MICAL3: variants seen among roughly 807,000 people sequenced by gnomAD.
The protein encoded by MICAL3 is microtubule associated monooxygenase, calponin and LIM domain containing 3, also known as [F-actin]-monooxygenase MICAL3.
A neutral mutation model predicts 207.4 loss-of-function variants in MICAL3; 62 were observed. The ratio of observed to expected loss-of-function variants is 0.30; its 90% CI spans 0.24 to 0.37. MICAL3 has a LOEUF of 0.37. Ranked by LOEUF, MICAL3 falls within the 10% of genes least tolerant of loss-of-function variation. The pLI, the probability that MICAL3 is intolerant of heterozygous loss-of-function variation, is 1.00. For missense variants in MICAL3, 2,368 were observed against 2,635.6 expected (o/e 0.90, Z 2.22); for synonymous variants, 1,077 against 1,069.3 (o/e 1.01, Z -0.14).
At chr22:17,947,191 G>A (rs117968984) in intron 1 of MICAL3, among the ~76,000 whole-genome samples, 2,317 of 152,294 alleles carry the variant, frequency 0.015, 33 homozygotes, top group Non-Finnish European at 0.02. Context: ...GCCTACAGCC[G>A]CTGCACGCGT....
chr22:17,800,421 C>G (rs2145966170), intron 29 of MICAL3, among the ~76,000 whole-genome samples: 1 of 152,174 alleles, frequency 6.6e-6, no homozygotes, highest in East Asian at 1.9e-4. Context: ...CCTGGGGACC[C>G]TTCCTCTCTG....
At chr22:17,838,956 T>C (rs1036378079) in intron 20 of MICAL3, among the ~76,000 whole-genome samples, 203 of 99,668 alleles carry the variant, frequency 2.0e-3, no homozygotes, top group African/African-American at 0.011. Flanking sequence ...CCCTAGATGC[T>C]TTTTTTTTTT....
rs59413477 is a variant in MICAL3 at position 17,981,198 on chromosome 22, C to T, written c.-75+43083G>A. Among the ~76,000 whole-genome samples, 997 of 152,018 alleles carry T rather than the reference C, an allele frequency of 6.6e-3. 13 individuals carry two copies. Among genetic ancestry groups the T allele is most frequent in the African/African-American group, 0.023 (937 of 41,468 alleles). The stretch of plus-strand genomic sequence containing the variant: ...ATATCATAAAATACACAATTATACA[C>T]TTAATAAAGCACATAGGAATAAAAT... On this transcript the variant is annotated intron_variant, in intron 1 of 31. Transcript: ENST00000441493.
At chr22:17,872,644 A>G (rs1189034740) in intron 16 of MICAL3, 2 of 742,816 alleles carry the variant, frequency 2.7e-6, no homozygotes, top group Non-Finnish European at 4.8e-6. Context: ...CAATTACCGC[A>G]TAGCATACAC....
intron 1 of MICAL3, among the ~76,000 whole-genome samples, chr22:17,944,234 G>A (rs116006417): frequency 0.013 from 1,912 of 152,264 alleles, 34 homozygotes; most frequent in African/African-American, 0.043. Flanking sequence ...TTACTTGTGC[G>A]TCATAGCTAG....
chr22:17,905,980 G>A (rs1360836325), intron 2 of MICAL3, among the ~76,000 whole-genome samples: 1 of 152,136 alleles, frequency 6.6e-6, no homozygotes, highest in Non-Finnish European at 1.5e-5. Context: ...TGCCAAGTTC[G>A]CAAACAGTAT....
chr22:18,022,106 T>C (rs1924516540), intron 1 of MICAL3, among the ~76,000 whole-genome samples: 1 of 152,158 alleles, frequency 6.6e-6, no homozygotes, highest in Non-Finnish European at 1.5e-5. Flanking sequence ...CCCTTAGTCA[T>C]TGTGAACTCG....
chr22:17,863,249 C>G, intron 19 of MICAL3: 1 of 985,396 alleles, frequency 1.0e-6, no homozygotes, highest in Non-Finnish European at 1.2e-6. Flanking sequence ...AAAAAATGTT[C>G]TGTACTCCAA....
intron 29 of MICAL3, among the ~76,000 whole-genome samples, chr22:17,807,853 C>G (rs1454899896): frequency 2.6e-5 from 4 of 152,226 alleles, no homozygotes; most frequent in African/African-American, 9.6e-5. Flanking sequence ...GCAGAGGCAC[C>G]CTGCTCCCCT....
intron 29 of MICAL3, among the ~76,000 whole-genome samples, chr22:17,795,315 T>C (rs1418438482): frequency 1.3e-5 from 2 of 152,252 alleles, no homozygotes; most frequent in Non-Finnish European, 2.9e-5. Flanking sequence ...TTGGAACACC[T>C]GGATGAATCC....
chr22:17,953,577 C>T (rs1391358537), intron 1 of MICAL3, among the ~76,000 whole-genome samples: 7 of 151,958 alleles, frequency 4.6e-5, no homozygotes, highest in South Asian at 2.1e-4. Flanking sequence ...GACATCAGGG[C>T]GGGGGACATC....
chr22:17,803,842 A>G, intron 29 of MICAL3: 1 of 985,844 alleles, frequency 1.0e-6, no homozygotes, highest in Non-Finnish European at 1.2e-6. Flanking sequence ...GGTCACTGTA[A>G]TAAGACTCTC....
chr22:17,941,733 T>C (rs891774105), intron 1 of MICAL3, among the ~76,000 whole-genome samples: 3 of 152,222 alleles, frequency 2.0e-5, no homozygotes, highest in African/African-American at 7.2e-5. Context: ...TCACAGGGTA[T>C]ACATAAAGCT....
intron 1 of MICAL3, among the ~76,000 whole-genome samples, chr22:17,991,287 T>C (rs1341669580): frequency 1.3e-5 from 2 of 152,132 alleles, no homozygotes; most frequent in African/African-American, 4.8e-5. Flanking sequence ...GGCAGGCAGG[T>C]GAAAGTGACA....
chr22:17,790,679 G>A lies in MICAL3; in HGVS notation c.*53C>T. 6.6e-7 allele frequency: 1 copy of A among 1,505,762 alleles called. No homozygotes were observed. The highest frequency in any genetic ancestry group is 9.0e-7 in the Non-Finnish European group (1 of 1,114,442). 93.3% of individuals were successfully genotyped at this position (1,505,762 alleles called of 1,614,324 possible). A position where few individuals can be genotyped will look rare whatever the true frequency, so the allele number is the denominator to read the frequency against. On this transcript the variant is annotated 3_prime_UTR_variant, in exon 32 of 32. Coordinates refer to ENST00000441493, the MANE Select transcript of MICAL3 (RefSeq NM_015241.3). ...GATCGCGGCTCCGGGTGGTTTGGAT[G>A]CCACTGCCTGGCCAGGCGGATGCCA...
chr22:17,881,737 G>A (rs187913322), intron 16 of MICAL3, among the ~76,000 whole-genome samples: 4 of 152,310 alleles, frequency 2.6e-5, no homozygotes, highest in Non-Finnish European at 5.9e-5. Context: ...GATAGTGGCT[G>A]GCACTGCTGC....
Position 17,942,528 on chromosome 22 carries a change from T to C in MICAL3, c.-74-35642A>G, listed in dbSNP as rs144086419. Among the ~76,000 whole-genome samples, 606 of 152,286 alleles carry C rather than the reference T, an allele frequency of 4.0e-3. 3 individuals carry two copies. The highest frequency in any genetic ancestry group is 0.014 in the African/African-American group (572 of 41,554). ...TGGGCATGAAGTGGCAATGATCATA[T>C]GTAAAATCTAAGGAGAGTGGCTTTC... On this transcript the variant is annotated intron_variant, in intron 1 of 31. Transcript: ENST00000441493.
Position 17,822,174 on chromosome 22 carries a change from G to C in MICAL3, c.3308-4C>G. 1 of 1,613,034 alleles carries C rather than the reference G, an allele frequency of 6.2e-7. No individual in the cohort carries two copies. The highest frequency in any genetic ancestry group is 1.7e-4 in the Middle Eastern group (1 of 6,058). On this transcript the variant is annotated splice_region_variant and splice_polypyrimidine_tract_variant and intron_variant, in intron 23 of 31. Coordinates refer to ENST00000441493, the MANE Select transcript of MICAL3 (RefSeq NM_015241.3). ...GGGCTGTCAGACCAGTGCTGATCTGGCAGAGGGAAGGGGCAGAAGTGGGTG... is the reference window on the plus strand; with the variant it reads ...GGGCTGTCAGACCAGTGCTGATCTGCCAGAGGGAAGGGGCAGAAGTGGGTG...
intron 1 of MICAL3, among the ~76,000 whole-genome samples, chr22:17,908,917 G>A (rs1931941423): frequency 1.3e-5 from 2 of 152,152 alleles, no homozygotes; most frequent in South Asian, 4.1e-4. Flanking sequence ...TACAGAAGAG[G>A]CCCTGAAGCT....
Sources: gnomAD v4.1 joint callset for allele counts (sites outside exome capture counted in the v4.1 genomes callset) on GRCh38, gnomAD v4.1.1 for gene constraint, MANE v1.5 for transcripts, NCBI Gene and HGNC (gene_info 2026-07-23, HGNC 2026-07-21) for gene names.